Variants in GSC2 observed in about 807,000 individuals in gnomAD.
GSC2 encodes homeobox protein goosecoid-2.
GSC2 carries 12 observed loss-of-function variants against 11.3 expected under a neutral mutation model. The observed-to-expected ratio is 1.06, with a 90% CI of 0.68 to 1.72. The LOEUF is 1.72. Among genes scored for constraint, GSC2 ranks in the 40% most tolerant of loss-of-function variants. GSC2 has a pLI of 0.00. For synonymous variants in GSC2, 148 were observed against 110.0 expected (o/e 1.35, Z -2.16); for missense variants, 310 against 235.7 (o/e 1.32, Z -2.06).
Position 19,147,542 on chromosome 22 carries a change from G to A in GSC2, c.*1449C>T, listed in dbSNP as rs888433875. The stretch of plus-strand genomic sequence containing the variant: ...AAGGGGCCTGGAGCCTGTGAGATGC[G>A]AGTGTCCCCAGCTGCAAGGGAGCTG... On this transcript the variant is annotated 3_prime_UTR_variant, in exon 3 of 3. Transcript: ENST00000086933. Among the ~76,000 whole-genome samples, 22 of 152,118 alleles carry A rather than the reference G, an allele frequency of 1.4e-4. No homozygotes were observed. The highest frequency in any genetic ancestry group is 5.3e-4 in the African/African-American group (22 of 41,422).
Position 19,148,905 on chromosome 22 carries a change from CT to C in GSC2, c.*85del. 7.6e-6 allele frequency: 6 copies of C among 792,370 alleles called. No homozygotes were observed. Among genetic ancestry groups the C allele is most frequent in the Non-Finnish European group, 1.2e-5 (6 of 487,022 alleles). 49.1% of individuals were successfully genotyped at this position (792,370 alleles called of 1,614,324 possible). A position where few individuals can be genotyped will look rare whatever the true frequency, so the allele number is the denominator to read the frequency against. On this transcript the variant is annotated 3_prime_UTR_variant, in exon 3 of 3. Coordinates refer to ENST00000086933, the MANE Select transcript of GSC2 (RefSeq NM_005315.2). ...GGCGGCCGGTGTACTCTCCCAGCTC[CT>C]TTTCGGGTAGACCTGTCTTCTCTCA...
intron 2 of GSC2, 84 bp downstream of exon 2, chr22:19,149,579 G>C (rs1555918009): frequency 1.5e-6 from 2 of 1,363,524 alleles, no homozygotes; most frequent in African/African-American, 3.1e-5. Context: ...GGCCGTCTTT[G>C]CAAAGGGCGC....
chr22:19,149,683 G>A lies in GSC2; in HGVS notation c.493C>T (p.Leu165Phe), dbSNP rs781963979. 6.4e-7 allele frequency: 1 copy of A among 1,560,258 alleles called. No individual in the cohort carries two copies. Among genetic ancestry groups the A allele is most frequent in the Admixed American group, 1.9e-5 (1 of 53,606 alleles). The change falls in exon 2 of 3, where the codon CTT (leucine) becomes TTT (phenylalanine). Residue 165 changes from leucine (L) to phenylalanine (F), a missense_variant. By Grantham distance (22) the Leu-to-Phe change is conservative. Transcript: ENST00000086933. Reference protein sequence around the residue: ...TRERLAGRIRLREERVEVWFK... With the variant: ...TRERLAGRIRFREERVEVWFK... ...CTCACCTCCACGCGCTCCTCGCGAA[G>A]GCGGATGCGGCCGGCCAGGCGCTCG...
At chr22:19,149,193 G>T in intron 2 of GSC2, 98 bp from the exon 3 acceptor site, 5 of 721,298 alleles carry the variant, frequency 6.9e-6, no homozygotes, top group Non-Finnish European at 8.9e-6. Context: ...TCGCAACAGG[G>T]ATGTGGGCGG....
At position 19,150,101 on chromosome 22, in the gene GSC2, A is replaced by T. The variant is rs1555918163; in HGVS notation, c.183T>A (p.Ala61=). Residue 61 remains alanine, a synonymous_variant, in exon 1 of 3, where the codon GCT becomes GCA. Transcript: ENST00000086933. ...AGCAGCAGCAGCAGGCGCAGGGCGC[A>T]GCCTCGGGCGCCCCGGGCTCCTCTG... ...AKPEEPGAPE[A]APCACCCCCG... 1 of 1,002,486 alleles carries T rather than the reference A, an allele frequency of 1.0e-6. No individual in the cohort carries two copies. The highest frequency in any genetic ancestry group is 9.7e-5 in the East Asian group (1 of 10,274). 62.1% of individuals were successfully genotyped at this position (1,002,486 alleles called of 1,614,324 possible).
intron 1 of GSC2, 46 bp downstream of exon 1, chr22:19,149,979 G>T: frequency 8.6e-7 from 1 of 1,166,350 alleles, no homozygotes; most frequent in South Asian, 4.2e-5. Flanking sequence ...ACTGCGCCGC[G>T]CCCCGGGCTC....
intron 2 of GSC2, 78 bp from the exon 3 acceptor site, chr22:19,149,173 GA>G: frequency 1.1e-6 from 1 of 879,134 alleles, no homozygotes; most frequent in Non-Finnish European, 1.7e-6. Context: ...CAGGGACCGA[GA>G]GGGGAGCTTC....
chr22:19,147,128 T>C lies in GSC2; in HGVS notation c.*1863A>G, dbSNP rs369455048. On this transcript the variant is annotated 3_prime_UTR_variant, in exon 3 of 3. Transcript: ENST00000086933. The stretch of plus-strand genomic sequence containing the variant: ...GGTGGGCGGCTAGCTCTCTGGCTCA[T>C]GTGCCTGGTTTGCACAGAAGAGCTC... Among the ~76,000 whole-genome samples the C allele has an allele frequency of 8.5e-5, 13 of 152,330 alleles. No individual in the cohort carries two copies. In the East Asian group the frequency reaches 1.9e-3, roughly 23 times the overall value.
At chr22:19,149,561 T>A in intron 2 of GSC2, 102 bp downstream of exon 2, 1 of 1,278,420 alleles carries the variant, frequency 7.8e-7, no homozygotes, top group Non-Finnish European at 1.0e-6. Context: ...GGGCGGGGCT[T>A]GGGCCGAGGC....
Position 19,150,257 on chromosome 22 carries a change from C to A in GSC2, c.27G>T (p.Ala9=). Residue 9 remains alanine, a synonymous_variant, in exon 1 of 3, where the codon GCG becomes GCT. Transcript: ENST00000086933. Reference sequence around the variant, plus strand: ...AGGGCCGCCCGGCACCCCGGCGGCTCGCCGCGCCCCCAGCCGCTGCCGCCA... The same window carrying A: ...AGGGCCGCCCGGCACCCCGGCGGCTAGCCGCGCCCCCAGCCGCTGCCGCCA... MAAAAGGA[A]SRRGAGRPCP... is the part of the protein sequence containing the mutation. 1 of 221,230 alleles carries A rather than the reference C, an allele frequency of 4.5e-6. No homozygotes were observed. The highest frequency in any genetic ancestry group is 1.0e-4 in the South Asian group (1 of 9,636). 13.7% of individuals were successfully genotyped at this position (221,230 alleles called of 1,614,324 possible). A position where few individuals can be genotyped will look rare whatever the true frequency, so the allele number is the denominator to read the frequency against.
In GSC2 at chr22:19,150,154, G is replaced by T; in HGVS notation, c.130C>A (p.Pro44Thr). 3 of 819,854 alleles carry T rather than the reference G, an allele frequency of 3.7e-6. No individual in the cohort carries two copies. Among genetic ancestry groups the T allele is most frequent in the Middle Eastern group, 5.7e-4 (1 of 1,768 alleles). The allele number at this position is 819,854 out of a possible 1,614,324, so 50.8% of individuals were successfully genotyped here. A position where few individuals can be genotyped will look rare whatever the true frequency, so the allele number is the denominator to read the frequency against. ...LPARAACPPQ[P>T]AGRQSPAKPE... Reference sequence around the variant, plus strand: ...TTCGCGGGGCTCTGGCGACCGGCGGGCTGCGGTGGGCAGGCGGCCCGGGCC... The same window carrying T: ...TTCGCGGGGCTCTGGCGACCGGCGGTCTGCGGTGGGCAGGCGGCCCGGGCC... Residue 44 changes from proline (P) to threonine (T), a missense_variant, in exon 1 of 3, where the codon CCC (proline) becomes ACC (threonine). Coordinates refer to ENST00000086933, the MANE Select transcript of GSC2 (RefSeq NM_005315.2).
chr22:19,150,266 C>G lies in GSC2; in HGVS notation c.18G>C (p.Gly6=), dbSNP rs1371448105. 6.4e-5 allele frequency: 13 copies of G among 203,250 alleles called. No individual in the cohort carries two copies. The highest frequency in any genetic ancestry group is 2.4e-4 in the African/African-American group (10 of 41,814). The allele number at this position is 203,250 out of a possible 1,614,324, so 12.6% of individuals were successfully genotyped here. The change falls in exon 1 of 3, where the codon GGG becomes GGC. Residue 6 remains glycine, a synonymous_variant. Transcript: ENST00000086933. MAAAA[G]GAASRRGAGR... ...CGGCACCCCGGCGGCTCGCCGCGCC[C>G]CCAGCCGCTGCCGCCATGCCCGGCC...
rs1555918076 is a variant in GSC2 at position 19,149,775 on chromosome 22, C to G, written c.401G>C (p.Ser134Thr). 2 of 1,595,608 alleles carry G rather than the reference C, an allele frequency of 1.3e-6. No homozygotes were observed. The highest frequency in any genetic ancestry group is 2.3e-5 in the South Asian group (2 of 88,760). The change falls in exon 2 of 3, where the codon AGC (serine) becomes ACC (threonine). Residue 134 changes from serine to threonine, a missense_variant. By Grantham distance (58) the Ser-to-Thr change is moderately conservative. Transcript: ENST00000086933. ...CTCGAGCGCCTGCAGCTGCTCTTCG[C>G]TGAAGATGGTGCGGTGGCGCCTCGT... ...RRTRRHRTIF[S>T]EEQLQALEAL...
rs956831909 is a variant in GSC2, at chr22:19,149,567, G to C, written c.513+96C>G. 1.5e-5 allele frequency: 19 copies of C among 1,306,604 alleles called. 1 individual carries two copies. The African/African-American group carries it at 1.7e-4, about 12-fold the overall frequency. The allele number at this position is 1,306,604 out of a possible 1,614,324, so 80.9% of individuals were successfully genotyped here. A position where few individuals can be genotyped will look rare whatever the true frequency, so the allele number is the denominator to read the frequency against. On this transcript the variant is annotated intron_variant, in intron 2 of 2. Transcript: ENST00000086933. ...GGCGCGCCAGGGCGGGGCTTGGGCC[G>C]AGGCCGTCTTTGCAAAGGGCGCCCG...
chr22:19,147,264 TG>T lies in GSC2; in HGVS notation c.*1726del, dbSNP rs1398536623. Among the ~76,000 whole-genome samples the T allele has an allele frequency of 2.6e-5, 4 of 151,824 alleles. No individual in the cohort carries two copies. Among genetic ancestry groups the T allele is most frequent in the Admixed American group, 2.6e-4 (4 of 15,234 alleles). Reference sequence around the variant, plus strand: ...TTGAGATGTAAATGTGGCAGAAAGATGGGAATTGGAGTCTGAGGGTAAAAGA... The same window carrying T: ...TTGAGATGTAAATGTGGCAGAAAGATGGAATTGGAGTCTGAGGGTAAAAGA... On this transcript the variant is annotated 3_prime_UTR_variant, in exon 3 of 3. Transcript: ENST00000086933.
In GSC2 at chr22:19,148,738, G is replaced by C. The variant is rs1297939409; in HGVS notation, c.*253C>G. 1 of 472,682 alleles carries C rather than the reference G, an allele frequency of 2.1e-6. No individual in the cohort carries two copies. Among genetic ancestry groups the C allele is most frequent in the South Asian group, 3.5e-5 (1 of 28,254 alleles). The allele number at this position is 472,682 out of a possible 1,614,324, so 29.3% of individuals were successfully genotyped here. ...GTTAGTGTCTCTCGGGGGGTAGGGA[G>C]CTGAGGAAACTGCTCTATGCCCCAG... On this transcript the variant is annotated 3_prime_UTR_variant, in exon 3 of 3. Transcript: ENST00000086933.
In GSC2 at chr22:19,149,810, C is replaced by G. The variant is rs2083817528; in HGVS notation, c.366G>C (p.Ser122=). ...TGCGGTGGCGCCTCGTGCGCCGCTG[C>G]GAACCCGGGCCGACCGCGCCCGGGA... ...GALPGAVGPG[S]QRRTRRHRTI... Residue 122 remains serine, a synonymous_variant, in exon 2 of 3, where the codon TCG becomes TCC. Coordinates refer to ENST00000086933, the MANE Select transcript of GSC2 (RefSeq NM_005315.2). 6.4e-7 allele frequency: 1 copy of G among 1,572,520 alleles called. No individual in the cohort carries two copies. Among genetic ancestry groups the G allele is most frequent in the Non-Finnish European group, 8.6e-7 (1 of 1,162,936 alleles).
At position 19,148,213 on chromosome 22, in the gene GSC2, C is replaced by T. The variant is rs1555917694; in HGVS notation, c.*778G>A. Among the ~76,000 whole-genome samples, 2 of 152,198 alleles carry T rather than the reference C, an allele frequency of 1.3e-5. No individual in the cohort carries two copies. Among genetic ancestry groups the T allele is most frequent in the Non-Finnish European group, 2.9e-5 (2 of 68,038 alleles). ...GCCACCATCCGTGGAGCAGTCCCCT[C>T]TGCTGGGGAGCACCCTGGTGCAGAG... On this transcript the variant is annotated 3_prime_UTR_variant, in exon 3 of 3. Coordinates refer to ENST00000086933, the MANE Select transcript of GSC2 (RefSeq NM_005315.2).
At chr22:19,149,546 C>T in intron 2 of GSC2, 117 bp downstream of exon 2, 2 of 1,170,312 alleles carry the variant, frequency 1.7e-6, no homozygotes, top group Non-Finnish European at 1.1e-6. Flanking sequence ...CCCTCCGGCG[C>T]GCCAGGGCGG....
Sources: allele counts gnomAD v4.1 joint callset (sites outside exome capture counted in the v4.1 genomes callset), GRCh38; gene constraint gnomAD v4.1.1; transcripts MANE v1.5; gene names NCBI Gene and HGNC (gene_info 2026-07-23, HGNC 2026-07-21).